The following EYA1 variants were observed in gnomAD, a reference collection of about 807,000 sequenced individuals.
The protein encoded by EYA1 is protein phosphatase EYA1.
In EYA1, 16 loss-of-function variants were observed where a neutral mutation model predicts 82.0. That is an observed-to-expected ratio of 0.20 (90% CI 0.13 to 0.30). The LOEUF (loss-of-function observed/expected upper bound fraction) is 0.30. Ranked by LOEUF, EYA1 falls within the 10% of genes least tolerant of loss-of-function variation. The probability of loss-of-function intolerance (pLI) is 1.00; values close to 1 mark genes in which losing one functional copy is unlikely to be tolerated. For synonymous variants in EYA1, 261 were observed against 264.4 expected, an observed-to-expected ratio of 0.99 and a Z score of 0.12; for missense variants, 633 against 730.7, an observed-to-expected ratio of 0.87 and a Z score of 1.54.
intron 3 of EYA1, among the ~76,000 whole-genome samples, chr8:71,346,283 G>T (rs541137164): frequency 6.6e-6 from 1 of 151,860 alleles, no homozygotes; most frequent in South Asian, 2.1e-4. Context: ...TCTTTGGCCA[G>T]AATGGAGTTT....
chr8:71,207,654 T>TA (rs1161637430), intron 17 of EYA1, among the ~76,000 whole-genome samples: 1 of 151,826 alleles, frequency 6.6e-6, no homozygotes, highest in Non-Finnish European at 1.5e-5. Context: ...TGCCCTATAT[T>TA]AAAAAAAAGA....
In EYA1 at chr8:71,458,921, C is replaced by T. The variant is rs553600470; in HGVS notation, c.33+76823G>A. Among the ~76,000 whole-genome samples the T allele has an allele frequency of 1.4e-3, 215 of 152,126 alleles. 2 individuals are homozygous for T. The highest frequency in any genetic ancestry group is 4.9e-3 in the African/African-American group (202 of 41,500). On this transcript the variant is annotated intron_variant, in intron 2 of 18. Transcript: ENST00000643681. ...TAGGATTTTCCTGGATGGAAGAAAA[C>T]ACACAGAAATACATACTAAAGAGGG...
At chr8:71,493,807 A>G (rs1194917246) in intron 2 of EYA1, among the ~76,000 whole-genome samples, 1 of 150,510 alleles carries the variant, frequency 6.6e-6, no homozygotes, top group African/African-American at 2.4e-5. Flanking sequence ...GCGGATCACG[A>G]GGTCAGGAGA....
intron 2 of EYA1, among the ~76,000 whole-genome samples, chr8:71,374,945 GT>G (rs1329072459): frequency 6.6e-6 from 1 of 152,084 alleles, no homozygotes. Flanking sequence ...TTCTTTAAAA[GT>G]CAAATACATA....
chr8:71,509,648 G>A (rs548960699), intron 2 of EYA1, among the ~76,000 whole-genome samples: 56 of 152,074 alleles, frequency 3.7e-4, no homozygotes, highest in Non-Finnish European at 6.6e-4. Flanking sequence ...ACCATTTCTC[G>A]GCCAATGTAA....
chr8:71,463,636 TCC>T (rs1808569152), intron 2 of EYA1, among the ~76,000 whole-genome samples: 1 of 27,286 alleles, frequency 3.7e-5, no homozygotes, highest in Non-Finnish European at 6.5e-5. Context: ...TCTCTCTCCC[TCC>T]CTCCCCCCTC....
intron 3 of EYA1, among the ~76,000 whole-genome samples, chr8:71,341,705 A>C (rs1825141671): frequency 6.6e-6 from 1 of 152,168 alleles, no homozygotes; most frequent in Non-Finnish European, 1.5e-5. Context: ...TATCTCTCCA[A>C]AAAGTAAAGT....
At position 71,338,883 on chromosome 8, in the gene EYA1, C is replaced by T. The variant is rs79847750; in HGVS notation, c.125-4709G>A. ...TCTCACAACTTTTCTCAAACTGTTA[C>T]AGTAAGCACAGCTTGTCTTTGCTTG... On this transcript the variant is annotated intron_variant, in intron 3 of 17. Coordinates refer to ENST00000340726, the MANE Select transcript of EYA1 (RefSeq NM_000503.6). Among the ~76,000 whole-genome samples the T allele has an allele frequency of 2.6e-3, 390 of 152,276 alleles. 12 individuals carry two copies. In the East Asian group the frequency reaches 0.063, roughly 24 times the overall value.
intron 2 of EYA1, among the ~76,000 whole-genome samples, chr8:71,463,231 A>C (rs1189764718): frequency 1.3e-5 from 2 of 152,174 alleles, no homozygotes; most frequent in Non-Finnish European, 2.9e-5. Flanking sequence ...AGTTAGACTA[A>C]AGGTACATGG....
chr8:71,490,731 T>C (rs1810929283), intron 2 of EYA1, among the ~76,000 whole-genome samples: 1 of 152,216 alleles, frequency 6.6e-6, no homozygotes, highest in African/African-American at 2.4e-5. Context: ...TTAACATCTT[T>C]AGGAAATAGT....
chr8:71,308,704 T>G (rs1820998503), intron 7 of EYA1, among the ~76,000 whole-genome samples: 1 of 144,236 alleles, frequency 6.9e-6, no homozygotes, highest in Non-Finnish European at 1.5e-5. Flanking sequence ...TCAAAAAGCT[T>G]TTTTTTTTTT....
chr8:71,499,348 T>C (rs1263155183), intron 2 of EYA1, among the ~76,000 whole-genome samples: 1 of 152,228 alleles, frequency 6.6e-6, no homozygotes, highest in Admixed American at 6.5e-5. Flanking sequence ...CTATGCCAGA[T>C]ATTTTCGTAA....
intron 2 of EYA1, among the ~76,000 whole-genome samples, chr8:71,511,335 G>A (rs776658514): frequency 1.2e-4 from 18 of 152,168 alleles, no homozygotes; most frequent in Non-Finnish European, 1.9e-4. Context: ...CTGATCCAAA[G>A]GAAGCTAAAA....
chr8:71,214,890 C>T (rs1288483261), intron 16 of EYA1, among the ~76,000 whole-genome samples: 1 of 152,060 alleles, frequency 6.6e-6, no homozygotes, highest in Non-Finnish European at 1.5e-5. Context: ...TAAGTATTTT[C>T]CTCCCAACTA....
intron 2 of EYA1, among the ~76,000 whole-genome samples, chr8:71,525,468 T>C (rs1340859765): frequency 6.6e-6 from 1 of 152,216 alleles, no homozygotes; most frequent in Non-Finnish European, 1.5e-5. Flanking sequence ...TTTCAATGAA[T>C]AGAATTTATT....
At chr8:71,293,913 C>A in intron 9 of EYA1, among the ~76,000 whole-genome samples, 1 of 150,628 alleles carries the variant, frequency 6.6e-6, no homozygotes, top group Non-Finnish European at 1.5e-5. Context: ...TCCTGTTCGA[C>A]ATTGTACAAG....
At chr8:71,467,784 C>T (rs2129197587) in intron 2 of EYA1, among the ~76,000 whole-genome samples, 1 of 152,186 alleles carries the variant, frequency 6.6e-6, no homozygotes, top group Non-Finnish European at 1.5e-5. Context: ...AATTAATAGG[C>T]TGATAATAAT....
intron 2 of EYA1, among the ~76,000 whole-genome samples, chr8:71,421,618 G>A (rs528954958): frequency 5.9e-5 from 9 of 152,254 alleles, no homozygotes; most frequent in African/African-American, 1.7e-4. Context: ...AGTCCTAAAG[G>A]TTGTGGAAAA....
chr8:71,249,891 G>A (rs1231957328), intron 11 of EYA1, among the ~76,000 whole-genome samples: 1 of 152,138 alleles, frequency 6.6e-6, no homozygotes, highest in African/African-American at 2.4e-5. Flanking sequence ...TCATTCTTTA[G>A]AGGAATGGCA....
Sources: allele counts gnomAD v4.1 joint callset (sites outside exome capture counted in the v4.1 genomes callset), GRCh38; gene constraint gnomAD v4.1.1; transcripts MANE v1.5; gene names NCBI Gene and HGNC (gene_info 2026-07-23, HGNC 2026-07-21).